IL17D: variants seen among roughly 807,000 people sequenced by gnomAD.
IL17D encodes the protein interleukin 17D.
A neutral mutation model predicts 5.7 loss-of-function variants in IL17D; 10 were observed. The ratio of observed to expected loss-of-function variants is 1.75; its 90% confidence interval spans 1.08 to 2.97. The LOEUF (loss-of-function observed/expected upper bound fraction) is 2.97, where lower values mean the gene tolerates loss of function less well. Among genes scored for constraint, IL17D ranks in the 30% most tolerant of loss-of-function variants. The probability of loss-of-function intolerance (pLI) is 0.00; values close to 1 mark genes in which losing one functional copy is unlikely to be tolerated. For missense variants in IL17D, 354 were observed against 292.7 expected (o/e 1.21, Z -1.53); for synonymous variants, 172 against 141.7 (o/e 1.21, Z -1.52).
chr13:20,708,441 C>T (rs776169600), intron 1 of IL17D, among the ~76,000 whole-genome samples: 151 of 152,224 alleles, frequency 9.9e-4, no homozygotes, highest in Non-Finnish European at 1.7e-3. Flanking sequence ...ATGAATCAAA[C>T]ATTTAAATGT....
At position 20,704,071 on chromosome 13, in the gene IL17D, C is replaced by A; in HGVS notation, c.70C>A (p.Arg24Ser). Residue 24 changes from arginine (R) to serine (S), a missense_variant, in exon 1 of 2, where the codon CGC becomes AGC. Coordinates refer to ENST00000682841, the MANE Select transcript of IL17D (RefSeq NM_001385224.1). Reference sequence around the variant, plus strand: ...CGCGGGCGCCCCGAGGGCGGGCAGGCGCCCCGCGCGGCCGCGGGGCTGCGC... The same window carrying A: ...CGCGGGCGCCCCGAGGGCGGGCAGGAGCCCCGCGCGGCCGCGGGGCTGCGC... ...WAAGAPRAGR[R>S]PARPRGCADR... The A allele has an allele frequency of 1.8e-6, 2 of 1,102,280 alleles. No individual in the cohort carries two copies. Among genetic ancestry groups the A allele is most frequent in the East Asian group, 5.7e-5 (1 of 17,538 alleles). The allele number at this position is 1,102,280 out of a possible 1,614,324, so 68.3% of individuals were successfully genotyped here. A position where few individuals can be genotyped will look rare whatever the true frequency, so the allele number is the denominator to read the frequency against.
chr13:20,705,684 G>A (rs919981545), intron 1 of IL17D, among the ~76,000 whole-genome samples: 5 of 152,054 alleles, frequency 3.3e-5, no homozygotes. Flanking sequence ...GTGACAAAGC[G>A]AGACCCCGTC....
At chr13:20,718,202 G>A (rs370921848) in intron 1 of IL17D, among the ~76,000 whole-genome samples, 1 of 152,100 alleles carries the variant, frequency 6.6e-6, no homozygotes, top group South Asian at 2.1e-4. Context: ...GCTGCCCGGT[G>A]CCCTTCATGA....
chr13:20,705,853 G>A (rs895287607), intron 1 of IL17D, among the ~76,000 whole-genome samples: 12 of 152,178 alleles, frequency 7.9e-5, no homozygotes, highest in Admixed American at 6.5e-4. Context: ...CAGGCAGCGC[G>A]GTGGGAAGGG....
At chr13:20,720,182 G>A (rs2058719785) in intron 1 of IL17D, among the ~76,000 whole-genome samples, 1 of 152,044 alleles carries the variant, frequency 6.6e-6, no homozygotes, top group Admixed American at 6.5e-5. Flanking sequence ...CCGGGAAGTC[G>A]GTGTACTCTG....
At chr13:20,704,791 G>A (rs1420126884) in intron 1 of IL17D, among the ~76,000 whole-genome samples, 1 of 152,098 alleles carries the variant, frequency 6.6e-6, no homozygotes, top group East Asian at 1.9e-4. Context: ...GGCCCGGGGA[G>A]GTGCTGCTGG....
chr13:20,709,502 G>A (rs545812860), intron 1 of IL17D, among the ~76,000 whole-genome samples: 1 of 152,286 alleles, frequency 6.6e-6, no homozygotes, highest in African/African-American at 2.4e-5. Context: ...TACAAAGCGG[G>A]GAAAGGGGTA....
chr13:20,703,127 C>A, upstream of IL17D: 3 of 238,402 alleles, frequency 1.3e-5, no homozygotes, highest in Non-Finnish European at 2.0e-5. Flanking sequence ...AGGGCCAGCC[C>A]TCTCCTCCTC....
chr13:20,703,298 G>A (rs566666524), upstream of IL17D: 129 of 986,554 alleles, frequency 1.3e-4, 1 homozygote, highest in African/African-American at 2.2e-3. Flanking sequence ...GCGCTTTCGG[G>A]GGAGAAGATG....
At chr13:20,720,841 G>C (rs757711865) in intron 1 of IL17D, among the ~76,000 whole-genome samples, 7 of 150,998 alleles carry the variant, frequency 4.6e-5, no homozygotes, top group Admixed American at 6.6e-5. Flanking sequence ...CGGTGGCCTC[G>C]GGCTCTTCCT....
chr13:20,704,073 C>G lies in IL17D; in HGVS notation c.72C>G (p.Arg24=). 1 of 1,105,652 alleles carries G rather than the reference C, an allele frequency of 9.0e-7. No individual in the cohort carries two copies. The highest frequency in any genetic ancestry group is 1.1e-6 in the Non-Finnish European group (1 of 912,932). 68.5% of individuals were successfully genotyped at this position (1,105,652 alleles called of 1,614,324 possible). ...CGGGCGCCCCGAGGGCGGGCAGGCG[C>G]CCCGCGCGGCCGCGGGGCTGCGCGG... is the stretch of plus-strand genomic sequence containing the variant. ...WAAGAPRAGR[R]PARPRGCADR... is the part of the protein sequence containing the mutation. Residue 24 remains arginine (R), a synonymous_variant, in exon 1 of 2, where the codon CGC becomes CGG. Transcript: ENST00000682841.
intron 1 of IL17D, among the ~76,000 whole-genome samples, chr13:20,709,631 C>T (rs2058618671): frequency 6.6e-6 from 1 of 152,198 alleles, no homozygotes; most frequent in African/African-American, 2.4e-5. Flanking sequence ...AACGTGGGTT[C>T]TGTGTGCGTC....
chr13:20,702,257 A>C (rs540533516), upstream of IL17D: 1 of 152,362 alleles, frequency 6.6e-6, no homozygotes, highest in East Asian at 1.9e-4. Flanking sequence ...TAAATCGCTT[A>C]AACTGGAGAT....
upstream of IL17D, chr13:20,703,475 C>T (rs764204113): frequency 1.0e-6 from 1 of 963,406 alleles, no homozygotes; most frequent in Middle Eastern, 5.3e-4. Flanking sequence ...GGGCTTCTCG[C>T]GGAAAAGCGG....
chr13:20,710,312 A>G (rs1185663870), intron 1 of IL17D, among the ~76,000 whole-genome samples: 1 of 152,046 alleles, frequency 6.6e-6, no homozygotes, highest in Non-Finnish European at 1.5e-5. Flanking sequence ...TCATTCATTT[A>G]TGATGAAACC....
intron 1 of IL17D, among the ~76,000 whole-genome samples, chr13:20,718,056 C>T (rs932875624): frequency 3.3e-5 from 5 of 152,134 alleles, no homozygotes; most frequent in East Asian, 1.9e-4. Flanking sequence ...GATGCCCTCA[C>T]GTCACTCACC....
rs1261220717 is a variant in IL17D at position 20,721,747 on chromosome 13, C to G, written c.402C>G (p.Ala134=). The change falls in exon 2 of 2, where the codon GCC becomes GCG. Residue 134 remains alanine, a synonymous_variant. Transcript: ENST00000682841. ...FGEEDVRFRS[A]PVYMPTVVLR... is the part of the protein sequence containing the mutation. ...AGGAGGACGTGCGCTTCCGCAGCGC[C>G]CCTGTCTACATGCCCACCGTCGTCC... The G allele has an allele frequency of 5.6e-6, 9 of 1,610,508 alleles. No homozygotes were observed. The highest frequency in any genetic ancestry group is 6.8e-6 in the Non-Finnish European group (8 of 1,179,698).
Position 20,718,846 on chromosome 13 carries a change from GC to G in IL17D, c.291-2785del, listed in dbSNP as rs542562742. Among the ~76,000 whole-genome samples, 10 of 95,766 alleles carry G rather than the reference GC, an allele frequency of 1.0e-4. No homozygotes were observed. In the East Asian group the frequency reaches 2.5e-3, roughly 24 times the overall value. 62.8% of individuals were successfully genotyped at this position (95,766 alleles called of 152,430 possible). On this transcript the variant is annotated intron_variant, in intron 1 of 1. Transcript: ENST00000682841. ...CACCTGCCCACACTCAGACACACCT[GC>G]CCCCTCACCCACACACATGCCCACA...
At chr13:20,719,477 C>T (rs2058714950) in intron 1 of IL17D, among the ~76,000 whole-genome samples, 1 of 152,096 alleles carries the variant, frequency 6.6e-6, no homozygotes, top group South Asian at 2.1e-4. Context: ...CACACACACC[C>T]ACACACCTGC....
Sources: gnomAD v4.1 joint callset for allele counts (sites outside exome capture counted in the v4.1 genomes callset) on GRCh38, gnomAD v4.1.1 for gene constraint, MANE v1.5 for transcripts, NCBI Gene and HGNC (gene_info 2026-07-23, HGNC 2026-07-21) for gene names.